The following LHFPL4 variants were observed in gnomAD, a reference collection of about 807,000 sequenced individuals.
The protein encoded by LHFPL4 is LHFPL tetraspan subfamily member 4 protein.
LHFPL4 carries 6 observed loss-of-function variants against 20.0 expected under a neutral mutation model. The ratio of observed to expected loss-of-function variants is 0.30; its 90% confidence interval spans 0.16 to 0.59. The LOEUF (loss-of-function observed/expected upper bound fraction) is 0.59. LHFPL4 is among the 20% of genes least tolerant of loss of function. The pLI, the probability that LHFPL4 is intolerant of heterozygous loss-of-function variation, is 0.88. For synonymous variants in LHFPL4, 129 were observed against 143.8 expected (o/e 0.90, Z 0.74); for missense variants, 215 against 331.2 (o/e 0.65, Z 2.72).
intron 2 of LHFPL4, among the ~76,000 whole-genome samples, chr3:9,543,728 G>GTT (rs1491428456): frequency 1.3e-4 from 6 of 44,982 alleles, no homozygotes; most frequent in South Asian, 1.0e-3. Flanking sequence ...TTTTGGTTTT[G>GTT]GTTTTTTTTT....
intron 2 of LHFPL4, among the ~76,000 whole-genome samples, chr3:9,517,794 T>G (rs1441046519): frequency 2.5e-5 from 3 of 122,250 alleles, no homozygotes; most frequent in Non-Finnish European, 3.7e-5. Context: ...GGAGGTTGGG[T>G]TTTTTTGTTT....
intron 2 of LHFPL4, among the ~76,000 whole-genome samples, chr3:9,515,597 C>A (rs560818752): frequency 6.6e-6 from 1 of 152,264 alleles, no homozygotes; most frequent in East Asian, 1.9e-4. Context: ...TGGTCTCGAA[C>A]TTGACCACAG....
At chr3:9,551,300 A>C (rs961920914) in intron 2 of LHFPL4, among the ~76,000 whole-genome samples, 16 of 152,154 alleles carry the variant, frequency 1.1e-4, no homozygotes, top group African/African-American at 3.9e-4. Context: ...CATCCCTGGA[A>C]GACTCCAAAC....
At chr3:9,538,066 T>C (rs2046454160) in intron 2 of LHFPL4, among the ~76,000 whole-genome samples, 2 of 152,132 alleles carry the variant, frequency 1.3e-5, no homozygotes, top group South Asian at 4.1e-4. Context: ...CTTGGAGTCA[T>C]TGTAACAACT....
At chr3:9,505,671 G>T (rs916242537) in intron 3 of LHFPL4, among the ~76,000 whole-genome samples, 1 of 152,040 alleles carries the variant, frequency 6.6e-6, no homozygotes, top group Non-Finnish European at 1.5e-5. Context: ...GGATCCACCC[G>T]CCTCGGCCTC....
chr3:9,525,647 C>T (rs1035060755), intron 2 of LHFPL4, among the ~76,000 whole-genome samples: 3 of 151,882 alleles, frequency 2.0e-5, no homozygotes, highest in African/African-American at 7.3e-5. Context: ...AAATGCATTG[C>T]AACAATGAGA....
chr3:9,527,620 T>C (rs2125661880), intron 2 of LHFPL4, among the ~76,000 whole-genome samples: 1 of 151,822 alleles, frequency 6.6e-6, no homozygotes, highest in Middle Eastern at 3.4e-3. Context: ...GGTGGGAGGA[T>C]TGCTTGAGGT....
chr3:9,504,243 ATG>A (rs1267739676), intron 3 of LHFPL4, among the ~76,000 whole-genome samples: 8 of 151,556 alleles, frequency 5.3e-5, no homozygotes, highest in Non-Finnish European at 1.2e-4. Flanking sequence ...TGGTGGCAAC[ATG>A]CCTGTAATCC....
At position 9,514,344 on chromosome 3, in the gene LHFPL4, G is replaced by A. The variant is rs184408225; in HGVS notation, c.407-8141C>T. Among the ~76,000 whole-genome samples the A allele has an allele frequency of 4.7e-3, 712 of 152,228 alleles. 11 individuals are homozygous for A. The South Asian group carries it at 0.062, about 13-fold the overall frequency. On this transcript the variant is annotated intron_variant, in intron 2 of 3. Transcript: ENST00000287585. ...GTATAATCCCATCAATTTTTAAATA[G>A]GCTTTTTTTAAGAGTAGTTTTAGGT...
At chr3:9,505,240 T>A (rs2046208741) in intron 3 of LHFPL4, among the ~76,000 whole-genome samples, 1 of 150,966 alleles carries the variant, frequency 6.6e-6, no homozygotes, top group Non-Finnish European at 1.5e-5. Flanking sequence ...GGTTGTACTG[T>A]CAGGCAGGTT....
At chr3:9,515,865 C>G (rs2046296990) in intron 2 of LHFPL4, among the ~76,000 whole-genome samples, 1 of 151,836 alleles carries the variant, frequency 6.6e-6, no homozygotes, top group Admixed American at 6.6e-5. Context: ...CAGGCACATG[C>G]CACCAGACCT....
intron 2 of LHFPL4, among the ~76,000 whole-genome samples, chr3:9,543,800 G>A (rs1344282464): frequency 6.9e-5 from 9 of 129,594 alleles, no homozygotes; most frequent in African/African-American, 1.5e-4. Flanking sequence ...GCACAATCAC[G>A]GCTCAGTGCG....
In LHFPL4 at chr3:9,539,471, A is replaced by AAG. The variant is rs2046464106; in HGVS notation, c.406+12801_406+12802dup. On this transcript the variant is annotated intron_variant, in intron 2 of 3. Transcript: ENST00000287585. ...CTTCGTCTCAAAAAAAAAAAAAAAAAAGGAATAGTTCAACCCTTGTCCTCC... is the reference window on the plus strand; with the variant it reads ...CTTCGTCTCAAAAAAAAAAAAAAAAAAGAGGAATAGTTCAACCCTTGTCCTCC... Among the ~76,000 whole-genome samples the AAG allele has an allele frequency of 2.0e-5, 3 of 151,558 alleles. No individual in the cohort carries two copies. The South Asian group carries it at 6.3e-4, about 32-fold the overall frequency.
chr3:9,522,125 T>C (rs2046341457), intron 2 of LHFPL4, among the ~76,000 whole-genome samples: 1 of 152,056 alleles, frequency 6.6e-6, no homozygotes, highest in South Asian at 2.1e-4. Flanking sequence ...AATAACACTA[T>C]ACCACTTCAC....
chr3:9,535,089 C>T (rs2046436966), intron 2 of LHFPL4, among the ~76,000 whole-genome samples: 2 of 152,134 alleles, frequency 1.3e-5, no homozygotes, highest in Non-Finnish European at 2.9e-5. Flanking sequence ...CAGAGTACTA[C>T]TCAGCTACTA....
At chr3:9,527,682 G>A (rs1460192710) in intron 2 of LHFPL4, among the ~76,000 whole-genome samples, 1 of 152,056 alleles carries the variant, frequency 6.6e-6, no homozygotes, top group African/African-American at 2.4e-5. Flanking sequence ...ACTGCAGCCT[G>A]GGCAACAGAG....
intron 2 of LHFPL4, among the ~76,000 whole-genome samples, chr3:9,542,775 C>A (rs2046485501): frequency 6.7e-6 from 1 of 149,298 alleles, no homozygotes; most frequent in African/African-American, 2.5e-5. Context: ...ACACTGTACT[C>A]CAGCCTGGGT....
intron 2 of LHFPL4, among the ~76,000 whole-genome samples, chr3:9,551,241 A>T (rs1385697173): frequency 2.6e-5 from 4 of 152,108 alleles, no homozygotes; most frequent in African/African-American, 9.7e-5. Flanking sequence ...TGCTTATTTT[A>T]AAAAACCATC....
intron 2 of LHFPL4, among the ~76,000 whole-genome samples, chr3:9,542,169 C>A (rs1481742932): frequency 6.6e-6 from 1 of 152,108 alleles, no homozygotes. Flanking sequence ...GCCTGTAATC[C>A]CAGCTACTTG....
Sources: allele counts gnomAD v4.1 joint callset (sites outside exome capture counted in the v4.1 genomes callset), GRCh38; gene constraint gnomAD v4.1.1; transcripts MANE v1.5; gene names NCBI Gene and HGNC (gene_info 2026-07-23, HGNC 2026-07-21).